Variants in CLVS1 observed in about 807,000 individuals in gnomAD.
CLVS1 encodes the protein clavesin 1.
CLVS1 carries 10 observed loss-of-function variants against 33.1 expected under a neutral mutation model. The observed-to-expected ratio is 0.30, with a 90% CI of 0.19 to 0.51. CLVS1 has a LOEUF of 0.51. Among genes scored for constraint, CLVS1 ranks in the 20% least tolerant of loss-of-function variants. The pLI is 0.97. For synonymous variants in CLVS1, 163 were observed against 166.1 expected (o/e 0.98, Z 0.14); for missense variants, 343 against 433.4 (o/e 0.79, Z 1.85).
chr8:61,283,451 A>T (rs1349405287), upstream of CLVS1, among the ~76,000 whole-genome samples: 1 of 152,194 alleles, frequency 6.6e-6, no homozygotes, highest in Non-Finnish European at 1.5e-5. Flanking sequence ...TTGAAAGTCT[A>T]CTACACATCA....
chr8:61,278,499 G>A (rs1007600231), intron 2 of CLVS1, among the ~76,000 whole-genome samples: 3 of 152,072 alleles, frequency 2.0e-5, no homozygotes, highest in Admixed American at 1.3e-4. Flanking sequence ...TGTTTTCAAA[G>A]CAGATATTCA....
At chr8:60,989,187 T>C in the CLVS1 span, among the ~76,000 whole-genome samples, 1 of 151,782 alleles carries the variant, frequency 6.6e-6, no homozygotes, top group South Asian at 2.1e-4. Context: ...TTTTTTGTTT[T>C]CTTTTGTTTT....
chr8:61,144,178 C>T (rs1477108577), intron 2 of CLVS1, among the ~76,000 whole-genome samples: 1 of 152,062 alleles, frequency 6.6e-6, no homozygotes, highest in Non-Finnish European at 1.5e-5. Context: ...TTAGGTATTT[C>T]TCCTAATGCT....
the CLVS1 span, among the ~76,000 whole-genome samples, chr8:60,986,763 C>T: frequency 8.5e-5 from 13 of 152,300 alleles, no homozygotes; most frequent in South Asian, 4.1e-4. Flanking sequence ...AACTGCTTAT[C>T]CTCCATCAAT....
chr8:61,050,217 A>G, the CLVS1 span, among the ~76,000 whole-genome samples: 1 of 151,964 alleles, frequency 6.6e-6, no homozygotes, highest in Non-Finnish European at 1.5e-5. Flanking sequence ...GTATGTTTTT[A>G]TAATGATGCC....
intron 2 of CLVS1, among the ~76,000 whole-genome samples, chr8:61,315,335 A>G (rs772164918): frequency 9.2e-5 from 14 of 152,330 alleles, no homozygotes; most frequent in Middle Eastern, 6.8e-3. Flanking sequence ...GGAGAGATAA[A>G]GTAACCTATC....
chr8:60,967,499 G>C, the CLVS1 span: 2 of 356,272 alleles, frequency 5.6e-6, no homozygotes, highest in Non-Finnish European at 1.1e-5. Flanking sequence ...AGGGGACCAC[G>C]AGTGCAGTAG....
intron 3 of CLVS1, among the ~76,000 whole-genome samples, chr8:61,421,883 C>A (rs1815686741): frequency 6.6e-6 from 1 of 152,176 alleles, no homozygotes; most frequent in East Asian, 1.9e-4. Context: ...ATGGAAAGAT[C>A]CAGCTAAAGC....
intron 2 of CLVS1, chr8:61,203,223 T>C (rs1388916415): frequency 4.6e-6 from 5 of 1,077,364 alleles, no homozygotes; most frequent in Admixed American, 1.7e-5. Flanking sequence ...AGGAAGTCTC[T>C]TTAAGAAAAT....
chr8:60,983,314 C>T, the CLVS1 span, among the ~76,000 whole-genome samples: 1 of 152,178 alleles, frequency 6.6e-6, no homozygotes, highest in Non-Finnish European at 1.5e-5. Flanking sequence ...TATTATTTAT[C>T]ATGCACGTTA....
In CLVS1 at chr8:61,499,721, A is replaced by T; in HGVS notation, c.*179A>T. On this transcript the variant is annotated 3_prime_UTR_variant, in exon 6 of 6. Transcript: ENST00000325897. ...GGTCTGAGCAGCCAAAGTTGGACAA[A>T]GACTTGAGAGATGCTTTTTTTTTCC... 1 of 433,658 alleles carries T rather than the reference A, an allele frequency of 2.3e-6. No homozygotes were observed. Among genetic ancestry groups the T allele is most frequent in the Non-Finnish European group, 4.2e-6 (1 of 240,076 alleles). The allele number at this position is 433,658 out of a possible 1,614,324, so 26.9% of individuals were successfully genotyped here.
In CLVS1 at chr8:61,456,125, G is replaced by A. The variant is rs148928189; in HGVS notation, c.741+1874G>A. On this transcript the variant is annotated intron_variant, in intron 4 of 5. Transcript: ENST00000325897. ...ATTCCTCCCACGGTGGACACTTGCT[G>A]CCATGCCATAGGTGGGCATTTTTGG... Among the ~76,000 whole-genome samples the A allele has an allele frequency of 2.0e-5, 3 of 152,304 alleles. No homozygotes were observed. The East Asian group carries it at 5.8e-4, about 29-fold the overall frequency.
intron 2 of CLVS1, among the ~76,000 whole-genome samples, chr8:61,221,601 G>A (rs1297535240): frequency 1.3e-5 from 2 of 152,204 alleles, no homozygotes; most frequent in African/African-American, 2.4e-5. Context: ...TTTTATTGAG[G>A]ATTTTTGCAT....
chr8:60,966,442 G>A, the CLVS1 span: 1 of 450,398 alleles, frequency 2.2e-6, no homozygotes, highest in Middle Eastern at 3.3e-4. Context: ...GTGGAAGCAG[G>A]ATGGGTGAAG....
chr8:61,473,455 T>C (rs1394443383), intron 5 of CLVS1, among the ~76,000 whole-genome samples: 1 of 151,472 alleles, frequency 6.6e-6, no homozygotes, highest in Admixed American at 6.6e-5. Context: ...AGGGCAGATA[T>C]GAATATCGGA....
At chr8:61,388,614 T>C (rs1814178398) in intron 3 of CLVS1, among the ~76,000 whole-genome samples, 1 of 151,988 alleles carries the variant, frequency 6.6e-6, no homozygotes, top group African/African-American at 2.4e-5. Context: ...ATTCTTTTTT[T>C]GTTATATCTT....
intron 2 of CLVS1, among the ~76,000 whole-genome samples, chr8:61,376,358 C>T (rs1014044284): frequency 2.6e-5 from 4 of 152,196 alleles, no homozygotes; most frequent in Admixed American, 6.5e-5. Context: ...CACAGGAACA[C>T]AGAAGAGGGA....
intron 1 of CLVS1, among the ~76,000 whole-genome samples, chr8:61,110,616 C>A (rs987943202): frequency 6.6e-6 from 1 of 152,230 alleles, no homozygotes; most frequent in Non-Finnish European, 1.5e-5. Context: ...TATATTCACA[C>A]TGTTGTGCAA....
At position 61,482,958 on chromosome 8, in the gene CLVS1, T is replaced by G. The variant is rs533816934; in HGVS notation, c.978-16497T>G. Reference sequence around the variant, plus strand: ...TTTAAAGCAGTGTGTAGAGGGAAATTTATAGCACTAAATGCCCACAAGAGA... The same window carrying G: ...TTTAAAGCAGTGTGTAGAGGGAAATGTATAGCACTAAATGCCCACAAGAGA... On this transcript the variant is annotated intron_variant, in intron 5 of 5. Coordinates refer to ENST00000325897, the MANE Select transcript of CLVS1 (RefSeq NM_173519.3). Among the ~76,000 whole-genome samples, 17 of 152,260 alleles carry G rather than the reference T, an allele frequency of 1.1e-4. No homozygotes were observed. In the East Asian group the frequency reaches 2.7e-3, roughly 24 times the overall value.
Sources: gnomAD v4.1 joint callset for allele counts (sites outside exome capture counted in the v4.1 genomes callset) on GRCh38, gnomAD v4.1.1 for gene constraint, MANE v1.5 for transcripts, NCBI Gene and HGNC (gene_info 2026-07-23, HGNC 2026-07-21) for gene names.